Variants in TMEM132D observed in about 807,000 individuals in gnomAD.
TMEM132D encodes transmembrane protein 132D.
In TMEM132D, 21 loss-of-function variants were observed where a neutral mutation model predicts 62.3. That is an observed-to-expected ratio of 0.34 (90% CI 0.24 to 0.49). The LOEUF (loss-of-function observed/expected upper bound fraction) is 0.49. Among genes scored for constraint, TMEM132D ranks in the 20% least tolerant of loss-of-function variants. The pLI is 0.99. For synonymous variants in TMEM132D, 621 were observed against 575.6 expected, an observed-to-expected ratio of 1.08 and a Z score of -1.13; for missense variants, 1,346 against 1,402.8, an observed-to-expected ratio of 0.96 and a Z score of 0.65.
At chr12:129,172,510 C>A (rs1277553299) in intron 5 of TMEM132D, among the ~76,000 whole-genome samples, 2 of 152,230 alleles carry the variant, frequency 1.3e-5, no homozygotes, top group Non-Finnish European at 2.9e-5. Flanking sequence ...CCATTTCTAG[C>A]TTTTGATTTA....
chr12:129,780,666 C>T (rs184067986), intron 1 of TMEM132D, among the ~76,000 whole-genome samples: 43 of 152,284 alleles, frequency 2.8e-4, no homozygotes, highest in Non-Finnish European at 4.9e-4. Flanking sequence ...AGTTATGCTA[C>T]AGGAAATGTC....
intron 4 of TMEM132D, among the ~76,000 whole-genome samples, chr12:129,333,052 G>C (rs1272918912): frequency 6.6e-6 from 1 of 152,024 alleles, no homozygotes; most frequent in Non-Finnish European, 1.5e-5. Flanking sequence ...TTATAACAAA[G>C]GTCTAAGAAT....
intron 4 of TMEM132D, among the ~76,000 whole-genome samples, chr12:129,304,020 T>C (rs1881784739): frequency 6.6e-6 from 1 of 152,136 alleles, no homozygotes; most frequent in Non-Finnish European, 1.5e-5. Flanking sequence ...CTGCAGAGGG[T>C]GGATCTTTAC....
intron 3 of TMEM132D, among the ~76,000 whole-genome samples, chr12:129,359,660 A>G (rs886526388): frequency 5.9e-5 from 9 of 152,238 alleles, no homozygotes; most frequent in African/African-American, 2.2e-4. Context: ...TGTATAAGAA[A>G]TGGAAAATTA....
chr12:129,874,315 C>A (rs1208394956), intron 1 of TMEM132D, among the ~76,000 whole-genome samples: 2 of 152,046 alleles, frequency 1.3e-5, no homozygotes, highest in Admixed American at 1.3e-4. Context: ...GAGGCTGAGG[C>A]AGGAGAATCA....
chr12:129,693,397 C>T (rs1465860952), intron 2 of TMEM132D, among the ~76,000 whole-genome samples: 4 of 152,176 alleles, frequency 2.6e-5, no homozygotes, highest in Admixed American at 6.5e-5. Flanking sequence ...ATGTCCCCTG[C>T]AGCATTCTAA....
chr12:129,098,418 T>C (rs1432305201), intron 5 of TMEM132D, among the ~76,000 whole-genome samples: 1 of 152,204 alleles, frequency 6.6e-6, no homozygotes, highest in Non-Finnish European at 1.5e-5. Flanking sequence ...TGTATTTTGC[T>C]TTTTCAAACC....
chr12:129,811,570 G>A lies in TMEM132D; in HGVS notation c.79+91691C>T, dbSNP rs74785501. On this transcript the variant is annotated intron_variant, in intron 1 of 8. Transcript: ENST00000422113. ...CCTGACCAAATCCCAGGGCCTGTGC[G>A]TACAAAGATGCCACCTCTGTGAGTG... Among the ~76,000 whole-genome samples the A allele has an allele frequency of 7.9e-3, 1,195 of 151,878 alleles. 40 individuals are homozygous for A. Among genetic ancestry groups the A allele is most frequent in the African/African-American group, 0.027 (1,127 of 41,418 alleles).
At chr12:129,821,294 T>C (rs1050193903) in intron 1 of TMEM132D, among the ~76,000 whole-genome samples, 2 of 152,188 alleles carry the variant, frequency 1.3e-5, no homozygotes, top group African/African-American at 4.8e-5. Context: ...CCTGGAGAAT[T>C]CCACGGTGTT....
At chr12:129,394,716 C>T (rs1321134252) in intron 3 of TMEM132D, among the ~76,000 whole-genome samples, 11 of 152,204 alleles carry the variant, frequency 7.2e-5, no homozygotes, top group African/African-American at 1.9e-4. Flanking sequence ...TGTGACACCA[C>T]GCCAGCTCAA....
At chr12:129,107,842 A>C (rs1194256342) in intron 5 of TMEM132D, among the ~76,000 whole-genome samples, 1 of 133,914 alleles carries the variant, frequency 7.5e-6, no homozygotes, top group Non-Finnish European at 1.6e-5. Context: ...GTGCACCACC[A>C]CACCTGGCTA....
At chr12:129,810,757 C>T (rs1165067710) in intron 1 of TMEM132D, among the ~76,000 whole-genome samples, 2 of 152,136 alleles carry the variant, frequency 1.3e-5, no homozygotes, top group African/African-American at 4.8e-5. Context: ...ATTTATCTTT[C>T]AACGCGTTAA....
chr12:129,474,085 C>T (rs150812593), intron 3 of TMEM132D, among the ~76,000 whole-genome samples: 9 of 152,278 alleles, frequency 5.9e-5, no homozygotes, highest in East Asian at 1.9e-4. Flanking sequence ...TGTAACCCTT[C>T]GCCTCCGAAT....
At chr12:129,378,533 G>T (rs538683743) in intron 3 of TMEM132D, among the ~76,000 whole-genome samples, 1 of 152,358 alleles carries the variant, frequency 6.6e-6, no homozygotes, top group East Asian at 1.9e-4. Flanking sequence ...GTAGTTGAAA[G>T]CTAGAGAGCT....
intron 5 of TMEM132D, among the ~76,000 whole-genome samples, chr12:129,126,980 G>T (rs1251924870): frequency 6.6e-6 from 1 of 152,224 alleles, no homozygotes; most frequent in Non-Finnish European, 1.5e-5. Flanking sequence ...GGGACAATCA[G>T]CTGAGAGACA....
chr12:129,546,820 A>C (rs1330074524), intron 2 of TMEM132D, among the ~76,000 whole-genome samples: 1 of 152,092 alleles, frequency 6.6e-6, no homozygotes, highest in Non-Finnish European at 1.5e-5. Context: ...AAAGAAAAGA[A>C]AAAAGCTGTA....
At chr12:129,750,239 C>A (rs1869955883) in intron 1 of TMEM132D, among the ~76,000 whole-genome samples, 1 of 152,128 alleles carries the variant, frequency 6.6e-6, no homozygotes, top group African/African-American at 2.4e-5. Flanking sequence ...GCACCCGCCA[C>A]CACGCCTGGC....
chr12:129,750,171 C>T (rs1440812193), intron 1 of TMEM132D, among the ~76,000 whole-genome samples: 1 of 151,974 alleles, frequency 6.6e-6, no homozygotes, highest in Non-Finnish European at 1.5e-5. Flanking sequence ...CTGCATGCTC[C>T]ACCTCCCAGG....
At chr12:129,182,689 T>C (rs11060186) in intron 5 of TMEM132D, among the ~76,000 whole-genome samples, 76,395 of 152,120 alleles carry the variant, frequency 0.5, 19,264 homozygotes, top group East Asian at 0.63. Context: ...TAAGTACACA[T>C]CTTCCCAGAA....
Sources: gnomAD v4.1 joint callset for allele counts (sites outside exome capture counted in the v4.1 genomes callset) on GRCh38, gnomAD v4.1.1 for gene constraint, MANE v1.5 for transcripts, NCBI Gene and HGNC (gene_info 2026-07-23, HGNC 2026-07-21) for gene names.